The following NSF variants were observed in gnomAD, a reference collection of about 807,000 sequenced individuals.
NSF encodes vesicle-fusing ATPase.
A neutral mutation model predicts 50.3 loss-of-function variants in NSF; 14 were observed. The ratio of observed to expected loss-of-function variants is 0.28; its 90% CI spans 0.18 to 0.44. NSF has a LOEUF of 0.44. NSF is among the 20% of genes least tolerant of loss of function. NSF has a pLI of 1.00. For missense variants in NSF, 218 were observed against 504.3 expected, an observed-to-expected ratio of 0.43 and a Z score of 5.44; for synonymous variants, 109 against 175.7, an observed-to-expected ratio of 0.62 and a Z score of 3.00.
intron 8 of NSF, among the ~76,000 whole-genome samples, chr17:46,661,410 T>TATTATTATTA (rs1568023993): frequency 4.0e-4 from 41 of 102,164 alleles, no homozygotes; most frequent in African/African-American, 1.4e-3. Context: ...TTATTATTAT[T>TATTATTATTA]TTTGAGATGG....
intron 9 of NSF, among the ~76,000 whole-genome samples, chr17:46,688,236 C>T (rs2058511268): frequency 6.6e-6 from 1 of 150,800 alleles, no homozygotes; most frequent in South Asian, 2.1e-4. Context: ...GGAAGCTGGG[C>T]CCAATGGCTC....
intron 19 of NSF, 117 bp from the exon 20 acceptor site, chr17:46,755,197 C>A: frequency 1.4e-6 from 1 of 726,786 alleles, no homozygotes; most frequent in South Asian, 1.6e-5. Context: ...GTAACACATT[C>A]AGTGACCTAG....
At chr17:46,754,848 G>GA (rs763668121) in intron 19 of NSF, among the ~76,000 whole-genome samples, 1 of 152,226 alleles carries the variant, frequency 6.6e-6, no homozygotes, top group African/African-American at 2.4e-5. Context: ...CTGAGGCTAA[G>GA]AAAAGCTACA....
chr17:46,697,250 G>A (rs1364874355), intron 12 of NSF, among the ~76,000 whole-genome samples: 7 of 118,304 alleles, frequency 5.9e-5, no homozygotes, highest in Non-Finnish European at 1.0e-4. Flanking sequence ...TTACTCTGTC[G>A]CCCAGGCTGG....
rs2058134488 is a variant in NSF at position 46,631,088 on chromosome 17, A to ACACACACACACACACG, written c.238+653_238+654insGCACACACACACACAC. The stretch of plus-strand genomic sequence containing the variant: ...CACACACACACACACACACACACAC[A>ACACACACACACACACG]CACACACACACACACACATCTTTTA... On this transcript the variant is annotated intron_variant, in intron 4 of 20. Transcript: ENST00000398238. Among the ~76,000 whole-genome samples, 12 of 145,918 alleles carry ACACACACACACACACG rather than the reference A, an allele frequency of 8.2e-5. No individual in the cohort carries two copies. In the East Asian group the frequency reaches 2.2e-3, roughly 26 times the overall value.
rs192720244 is a variant in NSF at position 46,727,599 on chromosome 17, C to G, written c.1828+984C>G. Among the ~76,000 whole-genome samples, 4 of 152,236 alleles carry G rather than the reference C, an allele frequency of 2.6e-5. No homozygotes were observed. The East Asian group carries it at 7.7e-4, about 29-fold the overall frequency. On this transcript the variant is annotated intron_variant, in intron 16 of 20. Transcript: ENST00000398238. Reference sequence around the variant, plus strand: ...AGTTTTGGCAGTGTCTGTTATAAAGCAAAGCAGGTATATCTGTGAGGTCTC... The same window carrying G: ...AGTTTTGGCAGTGTCTGTTATAAAGGAAAGCAGGTATATCTGTGAGGTCTC...
chr17:46,716,490 C>G (rs1252749113), intron 15 of NSF, among the ~76,000 whole-genome samples: 1 of 152,156 alleles, frequency 6.6e-6, no homozygotes, highest in African/African-American at 2.4e-5. Context: ...ATCTCCTGAC[C>G]TCATGATCCG....
intron 12 of NSF, among the ~76,000 whole-genome samples, chr17:46,703,680 C>CAAAAAAAAAA (rs149212597): frequency 1.1e-4 from 4 of 37,714 alleles, no homozygotes; most frequent in Non-Finnish European, 1.5e-4. Flanking sequence ...GACTCCGTCT[C>CAAAAAAAAAA]AAAAAAAAAA....
chr17:46,726,465 T>A, intron 15 of NSF, 84 bp from the exon 16 acceptor site: 1 of 1,214,196 alleles, frequency 8.2e-7, no homozygotes, highest in Non-Finnish European at 1.2e-6. Flanking sequence ...TTGTTTAGTA[T>A]TGCTCAAGAA....
At chr17:46,625,879 T>TAAAAA (rs147622864) in intron 2 of NSF, among the ~76,000 whole-genome samples, 4 of 59,002 alleles carry the variant, frequency 6.8e-5, no homozygotes, top group Non-Finnish European at 9.3e-5. Flanking sequence ...CCACATGTAT[T>TAAAAA]AAAAAAAAAA....
rs893226710 is a variant in NSF, at chr17:46,719,077, C to T, written c.1761+5091C>T. Among the ~76,000 whole-genome samples the T allele has an allele frequency of 2.0e-5, 3 of 152,132 alleles. No homozygotes were observed. The highest frequency in any genetic ancestry group is 4.4e-5 in the Non-Finnish European group (3 of 68,018). On this transcript the variant is annotated intron_variant, in intron 15 of 20. Coordinates refer to ENST00000398238, the MANE Select transcript of NSF (RefSeq NM_006178.4). This position sits in a 1 kb window ranked among gnomAD's most constrained non-coding sequence, Gnocchi z 4.3. ...GTATGAGTTTCTTGGGATTCTCACC[C>T]GTACTTGATATTATTAAAATATTTT...
At chr17:46,731,831 A>G (rs116187585) in intron 17 of NSF, among the ~76,000 whole-genome samples, 148,408 of 152,286 alleles carry the variant, frequency 0.97, 72,404 homozygotes, top group East Asian at 1. Flanking sequence ...ATGAATCAGT[A>G]ACAGGATAAA....
At chr17:46,732,191 A>T (rs1308747428) in intron 17 of NSF, among the ~76,000 whole-genome samples, 1 of 152,222 alleles carries the variant, frequency 6.6e-6, no homozygotes, top group African/African-American at 2.4e-5. Flanking sequence ...CACTACAGTA[A>T]TCATATCAGT....
At chr17:46,635,845 G>C (rs1207902144) in intron 4 of NSF, among the ~76,000 whole-genome samples, 1 of 130,892 alleles carries the variant, frequency 7.6e-6, no homozygotes, top group Non-Finnish European at 1.7e-5. Flanking sequence ...TTATTGAAGA[G>C]TAGCAATAGA....
At chr17:46,691,531 G>A (rs1178238617) in intron 9 of NSF, among the ~76,000 whole-genome samples, 1 of 147,278 alleles carries the variant, frequency 6.8e-6, no homozygotes, top group Middle Eastern at 3.2e-3. Context: ...GGAGGCAGAG[G>A]TTGCAGTGAG....
intron 17 of NSF, among the ~76,000 whole-genome samples, chr17:46,729,248 A>T (rs2058924770): frequency 6.6e-6 from 1 of 152,132 alleles, no homozygotes; most frequent in Non-Finnish European, 1.5e-5. Flanking sequence ...GCCAAGGGAG[A>T]TTATGATATT....
intron 17 of NSF, among the ~76,000 whole-genome samples, chr17:46,735,012 C>T (rs752913641): frequency 2.0e-5 from 3 of 152,132 alleles, no homozygotes; most frequent in East Asian, 3.9e-4. Flanking sequence ...TTCTTACCAC[C>T]GCACTCTAGC....
intron 9 of NSF, among the ~76,000 whole-genome samples, chr17:46,688,274 G>A (rs2058511714): frequency 6.6e-6 from 1 of 151,104 alleles, no homozygotes; most frequent in Non-Finnish European, 1.5e-5. Flanking sequence ...ACTTTGGGAA[G>A]CCAAGGTGGG....
At chr17:46,754,458 C>T (rs1038312440) in intron 19 of NSF, among the ~76,000 whole-genome samples, 1 of 152,112 alleles carries the variant, frequency 6.6e-6, no homozygotes, top group Admixed American at 6.5e-5. Context: ...TCTTGGGAAA[C>T]AGACTCCTGC....
Sources: gnomAD v4.1 joint callset for allele counts (sites outside exome capture counted in the v4.1 genomes callset) on GRCh38, gnomAD v4.1.1 for gene constraint, Gnocchi (gnomAD v3.1) non-coding constraint, MANE v1.5 for transcripts, NCBI Gene and HGNC (gene_info 2026-07-23, HGNC 2026-07-21) for gene names.